NAV3: variants seen among roughly 807,000 people sequenced by gnomAD.
NAV3 encodes pore membrane and/or filament interacting like protein 1.
In NAV3, 87 loss-of-function variants were observed where a neutral mutation model predicts 244.7. That is an observed-to-expected ratio of 0.36 (90% CI 0.30 to 0.42). The LOEUF (loss-of-function observed/expected upper bound fraction) is 0.42, where lower values mean the gene tolerates loss of function less well. Ranked by LOEUF, NAV3 falls within the 20% of genes least tolerant of loss-of-function variation. The probability of loss-of-function intolerance (pLI) is 1.00; values close to 1 mark genes in which losing one functional copy is unlikely to be tolerated. For missense variants in NAV3, 2,663 were observed against 2,893.3 expected, an observed-to-expected ratio of 0.92 and a Z score of 1.83; for synonymous variants, 1,126 against 1,042.2, an observed-to-expected ratio of 1.08 and a Z score of -1.55.
At chr12:77,861,449 A>G (rs1380986184) in intron 1 of NAV3, among the ~76,000 whole-genome samples, 1 of 151,958 alleles carries the variant, frequency 6.6e-6, no homozygotes, top group East Asian at 1.9e-4. Context: ...TAATAAAATC[A>G]GCTTATACAT....
intron 1 of NAV3, among the ~76,000 whole-genome samples, chr12:77,919,482 T>C (rs1418294490): frequency 3.3e-5 from 5 of 152,076 alleles, no homozygotes; most frequent in Non-Finnish European, 5.9e-5. Context: ...TCTGTGGACA[T>C]GGGGCTAGAA....
intron 2 of NAV3, among the ~76,000 whole-genome samples, chr12:77,746,045 T>C (rs1868525268): frequency 1.3e-5 from 2 of 149,110 alleles, no homozygotes; most frequent in African/African-American, 4.9e-5. Context: ...TAAATTATGG[T>C]AACCTGATGC....
At chr12:77,694,806 C>A (rs1271095940) in intron 2 of NAV3, among the ~76,000 whole-genome samples, 1 of 152,132 alleles carries the variant, frequency 6.6e-6, no homozygotes, top group Admixed American at 6.6e-5. Flanking sequence ...GGCAAATCTA[C>A]CTTTCTAGGC....
chr12:77,747,546 G>A (rs1868614335), intron 2 of NAV3, among the ~76,000 whole-genome samples: 1 of 152,146 alleles, frequency 6.6e-6, no homozygotes. Flanking sequence ...TACACCCAAA[G>A]GACTATAAAT....
At chr12:78,098,428 T>C (rs1954368071) in intron 12 of NAV3, among the ~76,000 whole-genome samples, 1 of 151,896 alleles carries the variant, frequency 6.6e-6, no homozygotes, top group South Asian at 2.1e-4. Flanking sequence ...CTAAAAATGC[T>C]CACATGTCAT....
At chr12:78,082,627 G>T (rs1953417742) in intron 12 of NAV3, among the ~76,000 whole-genome samples, 1 of 152,012 alleles carries the variant, frequency 6.6e-6, no homozygotes, top group Non-Finnish European at 1.5e-5. Flanking sequence ...TAATTGAAAA[G>T]GTATGTTTTG....
intron 2 of NAV3, among the ~76,000 whole-genome samples, chr12:77,625,839 C>G (rs1452683871): frequency 6.6e-6 from 1 of 152,142 alleles, no homozygotes; most frequent in Non-Finnish European, 1.5e-5. Flanking sequence ...AAAGATGCAA[C>G]TGTTACAGCA....
At chr12:77,969,372 T>A (rs1027414436) in intron 5 of NAV3, among the ~76,000 whole-genome samples, 1 of 152,138 alleles carries the variant, frequency 6.6e-6, no homozygotes, top group Non-Finnish European at 1.5e-5. Flanking sequence ...GTAAATGATA[T>A]ATAACAAGAG....
chr12:77,573,084 G>A (rs11105700), intron 2 of NAV3, among the ~76,000 whole-genome samples: 1 of 152,096 alleles, frequency 6.6e-6, no homozygotes, highest in African/African-American at 2.4e-5. Flanking sequence ...AGGTGTGTGG[G>A]GACCCAGTAG....
At chr12:78,088,909 ATCT>A (rs2137969291) in intron 12 of NAV3, 1 of 152,242 alleles carries the variant, frequency 6.6e-6, no homozygotes, top group South Asian at 2.1e-4. Flanking sequence ...AACCCCAAAC[ATCT>A]TCTCTTATCA....
intron 3 of NAV3, among the ~76,000 whole-genome samples, chr12:77,955,434 T>C (rs968990182): frequency 6.6e-6 from 1 of 152,156 alleles, no homozygotes; most frequent in African/African-American, 2.4e-5. Flanking sequence ...GGCATAGCAA[T>C]TCAGTTCTGT....
At chr12:77,575,926 C>T (rs570341368) in intron 2 of NAV3, among the ~76,000 whole-genome samples, 3 of 152,176 alleles carry the variant, frequency 2.0e-5, no homozygotes, top group South Asian at 2.1e-4. Flanking sequence ...TGCTGTATTC[C>T]GTAAACCGGA....
At chr12:77,789,489 C>G (rs1293112956) in intron 2 of NAV3, among the ~76,000 whole-genome samples, 1 of 132,684 alleles carries the variant, frequency 7.5e-6, no homozygotes, top group African/African-American at 2.7e-5. Flanking sequence ...TACACTAACA[C>G]TAATGATCGC....
chr12:78,190,479 C>T (rs1242510376), intron 34 of NAV3, among the ~76,000 whole-genome samples: 2 of 151,944 alleles, frequency 1.3e-5, no homozygotes, highest in African/African-American at 4.8e-5. Context: ...TCTCCTATGG[C>T]ATGGTTTCTC....
chr12:77,826,211 T>C (rs1872993387), upstream of NAV3, among the ~76,000 whole-genome samples: 1 of 152,156 alleles, frequency 6.6e-6, no homozygotes, highest in Non-Finnish European at 1.5e-5. Flanking sequence ...ATAAGACAGA[T>C]ATAAATATTT....
chr12:77,881,818 A>G (rs894307048), intron 1 of NAV3, among the ~76,000 whole-genome samples: 1 of 152,126 alleles, frequency 6.6e-6, no homozygotes, highest in Admixed American at 6.6e-5. Context: ...ACACAATGCC[A>G]CTTACAATAG....
intron 1 of NAV3, among the ~76,000 whole-genome samples, chr12:77,937,872 A>G (rs1259646121): frequency 1.3e-5 from 2 of 152,178 alleles, no homozygotes; most frequent in African/African-American, 4.8e-5. Context: ...ATGTTTTTTC[A>G]TGACTAGCTT....
chr12:77,891,863 C>T (rs1047433161), intron 1 of NAV3, among the ~76,000 whole-genome samples: 11 of 152,174 alleles, frequency 7.2e-5, no homozygotes, highest in African/African-American at 2.7e-4. Context: ...TTTTATCCTA[C>T]CTGGAAGGTG....
chr12:78,129,658 C>T (rs530077892), intron 18 of NAV3, among the ~76,000 whole-genome samples: 1 of 152,098 alleles, frequency 6.6e-6, no homozygotes, highest in Admixed American at 6.5e-5. Flanking sequence ...TATAAAGTCA[C>T]ATATAAAGTA....
Sources: gnomAD v4.1 joint callset for allele counts (sites outside exome capture counted in the v4.1 genomes callset) on GRCh38, gnomAD v4.1.1 for gene constraint, MANE v1.5 for transcripts, NCBI Gene and HGNC (gene_info 2026-07-23, HGNC 2026-07-21) for gene names.